ERMP1: variants seen among roughly 807,000 people sequenced by gnomAD.
The protein encoded by ERMP1 is Felix-ina.
Under a neutral mutation model 92.0 loss-of-function variants are expected in ERMP1, and 86 were observed. The ratio of observed to expected loss-of-function variants is 0.93; its 90% CI spans 0.79 to 1.12. The LOEUF is 1.12. ERMP1 is among the 50% of genes most tolerant of loss of function. The pLI, the probability that ERMP1 is intolerant of heterozygous loss-of-function variation, is 0.00. For synonymous variants in ERMP1, 530 were observed against 412.8 expected, an observed-to-expected ratio of 1.28 and a Z score of -3.44; for missense variants, 1,342 against 1,116.3, an observed-to-expected ratio of 1.20 and a Z score of -2.88.
rs1345993261 is a variant in ERMP1, at chr9:5,830,620, G to A, written c.640+107C>T. 5.2e-6 allele frequency: 4 copies of A among 771,686 alleles called. No individual in the cohort carries two copies. In the East Asian group the frequency reaches 1.1e-4, roughly 20 times the overall value. 47.8% of individuals were successfully genotyped at this position (771,686 alleles called of 1,614,324 possible). ...CTGCTTTCCATCACAAAGAAAAAAG[G>A]TTTGCCCAAGAAAATGGTCCCCACA... is the stretch of plus-strand genomic sequence containing the variant. On this transcript the variant is annotated intron_variant, in intron 2 of 14. Transcript: ENST00000339450.
Position 5,833,036 on chromosome 9 carries a change from G to C in ERMP1, c.-9C>G, listed in dbSNP as rs772248725. ...TCAGAACCCCACTCCATGGCCACGA[G>C]CCTCAGCTGCCAGCCCAACCGCCCC... On this transcript the variant is annotated 5_prime_UTR_variant, in exon 1 of 15. Transcript: ENST00000339450. 6.8e-7 allele frequency: 1 copy of C among 1,480,224 alleles called. No individual in the cohort carries two copies. Among genetic ancestry groups the C allele is most frequent in the Admixed American group, 2.3e-5 (1 of 42,618 alleles). The allele number at this position is 1,480,224 out of a possible 1,614,324, so 91.7% of individuals were successfully genotyped here. A position where few individuals can be genotyped will look rare whatever the true frequency, so the allele number is the denominator to read the frequency against.
At chr9:5,853,990 G>C (rs746823567) in intron 6 of ERMP1, among the ~76,000 whole-genome samples, 7 of 151,730 alleles carry the variant, frequency 4.6e-5, no homozygotes, top group Non-Finnish European at 7.4e-5. Context: ...TACATAAATG[G>C]GGGCTTCACA....
chr9:5,843,416 T>G (rs4532647), intron 6 of ERMP1, among the ~76,000 whole-genome samples: 144,459 of 152,318 alleles, frequency 0.95, 68,869 homozygotes, highest in East Asian at 1. Flanking sequence ...TCCACCCACC[T>G]GCTGCCAGTT....
chr9:5,812,013 C>G (rs1829115376), intron 6 of ERMP1, 112 bp downstream of exon 6: 1 of 666,732 alleles, frequency 1.5e-6, no homozygotes, highest in South Asian at 2.2e-5. Flanking sequence ...CTAGCTCATT[C>G]ACATTGCATA....
chr9:5,833,240 G>A, upstream of ERMP1: 2 of 489,906 alleles, frequency 4.1e-6, no homozygotes, highest in Admixed American at 4.3e-5. Context: ...CCAGCAGCGG[G>A]TGGTGGATAT....
intron 6 of ERMP1, among the ~76,000 whole-genome samples, chr9:5,842,028 A>G (rs1563779078): frequency 6.6e-6 from 1 of 151,826 alleles, no homozygotes; most frequent in Non-Finnish European, 1.5e-5. Flanking sequence ...CTGCAGACAC[A>G]GACCTTCACA....
chr9:5,796,413 A>G (rs986834054), intron 13 of ERMP1, among the ~76,000 whole-genome samples: 1 of 152,240 alleles, frequency 6.6e-6, no homozygotes, highest in East Asian at 1.9e-4. Flanking sequence ...GGCTTACCAT[A>G]TATAATATCC....
At position 5,805,717 on chromosome 9, in the gene ERMP1, A is replaced by G. The variant is rs779682941; in HGVS notation, c.1617T>C (p.Leu539=). 1.2e-5 allele frequency: 19 copies of G among 1,613,534 alleles called. No individual in the cohort carries two copies. The highest frequency in any genetic ancestry group is 3.4e-6 in the Non-Finnish European group (4 of 1,179,862). ...AAAGTCCTTGGTAAGTGAGGGTAAC[A>G]AGAAAACAGCAATGGACAAACAGCG... ...DISLFVHCCF[L]VTLTYQGLCS... Residue 539 remains leucine, a synonymous_variant, in exon 9 of 15, where the codon CTT becomes CTC. Transcript: ENST00000339450.
intron 5 of ERMP1, among the ~76,000 whole-genome samples, chr9:5,865,987 T>G (rs1421056249): frequency 6.6e-6 from 1 of 152,130 alleles, no homozygotes; most frequent in Non-Finnish European, 1.5e-5. Context: ...TCCTCATTCT[T>G]TTTGCATTTT....
intron 6 of ERMP1, among the ~76,000 whole-genome samples, chr9:5,840,555 T>C (rs1427380588): frequency 6.6e-6 from 1 of 152,156 alleles, no homozygotes; most frequent in African/African-American, 2.4e-5. Flanking sequence ...CCAGAAAGAC[T>C]GCATAGCACC....
At chr9:5,858,744 G>A (rs1830417396) in intron 6 of ERMP1, among the ~76,000 whole-genome samples, 2 of 152,182 alleles carry the variant, frequency 1.3e-5, no homozygotes, top group South Asian at 4.1e-4. Context: ...TGGTTCTGAG[G>A]TCAGAGAAAT....
chr9:5,832,101 AG>A (rs1156906788), intron 1 of ERMP1, among the ~76,000 whole-genome samples: 1 of 151,642 alleles, frequency 6.6e-6, no homozygotes, highest in Non-Finnish European at 1.5e-5. Context: ...AAAAAAAAAA[AG>A]TCAAACCTTA....
chr9:5,803,275 A>G lies in ERMP1; in HGVS notation c.1914+1752T>C, dbSNP rs369989828. Among the ~76,000 whole-genome samples the G allele has an allele frequency of 4.6e-5, 7 of 152,334 alleles. No individual in the cohort carries two copies. The South Asian group carries it at 1.4e-3, about 32-fold the overall frequency. On this transcript the variant is annotated intron_variant, in intron 10 of 14. Transcript: ENST00000339450. The stretch of plus-strand genomic sequence containing the variant: ...TAAAAGAGTGATAACTCATGGCATC[A>G]AAGTGCGGCAGGGCTATTTCACATT...
chr9:5,795,456 G>A lies in ERMP1; in HGVS notation c.2386+2361C>T, dbSNP rs552666593. On this transcript the variant is annotated intron_variant, in intron 13 of 14. Coordinates refer to ENST00000339450, the MANE Select transcript of ERMP1 (RefSeq NM_024896.3). ...TAGGAAGGAGGAAATAAAACTGTCT[G>A]CAGATGATAAGATTGTCTATTCATA... 1.3e-3 allele frequency among the ~76,000 whole-genome samples: 197 copies of A among 152,306 alleles called. 3 individuals are homozygous for A. Among genetic ancestry groups the A allele is most frequent in the African/African-American group, 4.6e-3 (192 of 41,548 alleles).
In ERMP1 at chr9:5,785,807, CT is replaced by C. The variant is rs1827913055; in HGVS notation, c.*1336del. Reference sequence around the variant, plus strand: ...TTGTTAACTGTGCCTTTTCTTTCAACTTTTTGTCCTTGTTAAAACTCAAAAT... The same window carrying C: ...TTGTTAACTGTGCCTTTTCTTTCAACTTTTGTCCTTGTTAAAACTCAAAAT... On this transcript the variant is annotated 3_prime_UTR_variant, in exon 15 of 15. Coordinates refer to ENST00000339450, the MANE Select transcript of ERMP1 (RefSeq NM_024896.3). 6.6e-6 allele frequency: 1 copy of C among 152,206 alleles called. No homozygotes were observed. The highest frequency in any genetic ancestry group is 1.5e-5 in the Non-Finnish European group (1 of 68,030). The allele number at this position is 152,206 out of a possible 1,614,324, so 9.4% of individuals were successfully genotyped here.
At chr9:5,818,391 CACTAAAGG>C (rs1829402410) in intron 4 of ERMP1, among the ~76,000 whole-genome samples, 2 of 152,160 alleles carry the variant, frequency 1.3e-5, no homozygotes, top group Admixed American at 1.3e-4. Context: ...CCTACTCATA[CACTAAAGG>C]TATTTCCAAT....
chr9:5,811,277 C>T lies in ERMP1; in HGVS notation c.1161G>A (p.Met387Ile). The T allele has an allele frequency of 1.2e-6, 2 of 1,612,770 alleles. No homozygotes were observed. Among genetic ancestry groups the T allele is most frequent in the Non-Finnish European group, 8.5e-7 (1 of 1,179,746 alleles). ...AVLKHLATSD[M>I]LAAASKYRHG... is the part of the protein sequence containing the mutation. ...GTCGATACTTAGAAGCAGCAGCCAG[C>T]ATATCAGATGTAGCTAGATGCTTAA... Residue 387 changes from methionine (M) to isoleucine (I), a missense_variant, in exon 7 of 15, where the codon ATG becomes ATA. By Grantham distance (10) the Met-to-Ile change is conservative. Transcript: ENST00000339450.
At chr9:5,860,305 G>T (rs530994640) in intron 5 of ERMP1, among the ~76,000 whole-genome samples, 1 of 150,002 alleles carries the variant, frequency 6.7e-6, no homozygotes, top group South Asian at 2.1e-4. Context: ...AAAAAAAAAA[G>T]AAGGAAGGAA....
intron 4 of ERMP1, among the ~76,000 whole-genome samples, chr9:5,813,335 TTTAA>T (rs1256987997): frequency 2.6e-5 from 4 of 152,214 alleles, no homozygotes; most frequent in African/African-American, 9.6e-5. Context: ...ATTGTATATC[TTTAA>T]TTTTCTTACT....
Sources: allele counts gnomAD v4.1 joint callset (sites outside exome capture counted in the v4.1 genomes callset), GRCh38; gene constraint gnomAD v4.1.1; transcripts MANE v1.5; gene names NCBI Gene and HGNC (gene_info 2026-07-23, HGNC 2026-07-21).